Variants in FOXP1 observed in about 807,000 individuals in gnomAD.
FOXP1 encodes forkhead box protein P1.
Under a neutral mutation model 98.2 loss-of-function variants are expected in FOXP1, and 15 were observed. The ratio of observed to expected loss-of-function variants is 0.15; its 90% confidence interval spans 0.10 to 0.24. The LOEUF (loss-of-function observed/expected upper bound fraction) is 0.24. FOXP1 is among the 10% of genes least tolerant of loss of function. The probability of loss-of-function intolerance (pLI) is 1.00; values close to 1 mark genes in which losing one functional copy is unlikely to be tolerated. For synonymous variants in FOXP1, 371 were observed against 314.5 expected, an observed-to-expected ratio of 1.18 and a Z score of -1.90; for missense variants, 633 against 848.5, an observed-to-expected ratio of 0.75 and a Z score of 3.15.
At chr3:71,028,863 G>A (rs1027673629) in intron 11 of FOXP1, among the ~76,000 whole-genome samples, 2 of 152,196 alleles carry the variant, frequency 1.3e-5, no homozygotes, top group Non-Finnish European at 1.5e-5. Flanking sequence ...ATTCTCATAA[G>A]GAGCACACAA....
At chr3:70,975,510 A>G (rs976945276) in intron 17 of FOXP1, among the ~76,000 whole-genome samples, 1 of 152,240 alleles carries the variant, frequency 6.6e-6, no homozygotes, top group Non-Finnish European at 1.5e-5. Context: ...TAACAGAGGA[A>G]ATGTATTTTT....
chr3:71,180,684 CT>C (rs1415398457), intron 6 of FOXP1, among the ~76,000 whole-genome samples: 5 of 152,108 alleles, frequency 3.3e-5, no homozygotes, highest in Non-Finnish European at 7.4e-5. Flanking sequence ...TCCACCCTTC[CT>C]TTTTTAAAAA....
intron 3 of FOXP1, among the ~76,000 whole-genome samples, chr3:71,403,090 C>G (rs13067084): frequency 0.66 from 100,200 of 152,154 alleles, 34,249 homozygotes; most frequent in Non-Finnish European, 0.74. Context: ...AGGAAGTTTA[C>G]TTTTTTGTTT....
chr3:71,298,822 G>C (rs2073593272), intron 5 of FOXP1, among the ~76,000 whole-genome samples: 1 of 152,120 alleles, frequency 6.6e-6, no homozygotes, highest in Admixed American at 6.6e-5. Context: ...TTCACATTAT[G>C]AAAAGTTCCA....
intron 6 of FOXP1, among the ~76,000 whole-genome samples, chr3:71,162,460 A>G (rs1022577357): frequency 6.6e-6 from 1 of 152,254 alleles, no homozygotes; most frequent in African/African-American, 2.4e-5. Context: ...GGGAGCCAGT[A>G]CCATTAAGAC....
rs575898063 is a variant in FOXP1, at chr3:71,420,789, C to G, written c.-167-61545G>C. ...TGAAGCAATCAAGGCTCACTGTAGC[C>G]TTGAACTCCTGGGCTCAAGCAATTC... On this transcript the variant is annotated intron_variant, in intron 3 of 20. Transcript: ENST00000649528. Among the ~76,000 whole-genome samples the G allele has an allele frequency of 6.6e-5, 10 of 152,044 alleles. No individual in the cohort carries two copies. In the South Asian group the frequency reaches 2.1e-3, roughly 32 times the overall value.
intron 11 of FOXP1, among the ~76,000 whole-genome samples, chr3:71,028,144 A>T (rs995344975): frequency 4.0e-5 from 6 of 151,284 alleles, no homozygotes; most frequent in Non-Finnish European, 7.4e-5. Flanking sequence ...CAAAATTGAA[A>T]TTTTTTTTTT....
chr3:71,305,468 G>A lies in FOXP1; in HGVS notation c.-72-5588C>T, dbSNP rs117301272. Among the ~76,000 whole-genome samples, 336 of 152,290 alleles carry A rather than the reference G, an allele frequency of 2.2e-3. 11 individuals carry two copies. The East Asian group carries it at 0.063, about 29-fold the overall frequency. ...AGAAAACCTTTCCTATTCCGGCACAGACCTTCGGGGAGGACCCTGGCCCGG... is the reference window on the plus strand; with the variant it reads ...AGAAAACCTTTCCTATTCCGGCACAAACCTTCGGGGAGGACCCTGGCCCGG... On this transcript the variant is annotated intron_variant, in intron 4 of 20. Transcript: ENST00000649528.
intron 3 of FOXP1, among the ~76,000 whole-genome samples, chr3:71,384,206 T>TCC (rs1210311581): frequency 6.6e-6 from 1 of 152,084 alleles, no homozygotes; most frequent in African/African-American, 2.4e-5. Context: ...AGAGTGGGAC[T>TCC]CCGTCTCAGC....
intron 20 of FOXP1, among the ~76,000 whole-genome samples, chr3:70,962,383 A>G (rs1358879397): frequency 6.6e-6 from 1 of 152,208 alleles, no homozygotes; most frequent in Non-Finnish European, 1.5e-5. Flanking sequence ...GTTAGAGCAA[A>G]GGCCAAAACA....
chr3:71,294,464 T>C (rs1407486131), intron 5 of FOXP1, among the ~76,000 whole-genome samples: 1 of 152,154 alleles, frequency 6.6e-6, no homozygotes, highest in Non-Finnish European at 1.5e-5. Context: ...ATCATCAGCA[T>C]CGTCATTCAT....
intron 4 of FOXP1, among the ~76,000 whole-genome samples, chr3:71,318,653 T>C (rs779314007): frequency 6.6e-6 from 1 of 150,824 alleles, no homozygotes; most frequent in African/African-American, 2.4e-5. Flanking sequence ...AGACGTGGGC[T>C]GCTGTTGAAT....
At chr3:70,982,532 A>C (rs2039038273) in intron 14 of FOXP1, among the ~76,000 whole-genome samples, 1 of 152,208 alleles carries the variant, frequency 6.6e-6, no homozygotes. Context: ...TTCAGCAAAG[A>C]TAATCTCTTT....
chr3:71,300,303 G>C (rs1267284761), intron 4 of FOXP1, among the ~76,000 whole-genome samples: 4 of 152,154 alleles, frequency 2.6e-5, no homozygotes, highest in Non-Finnish European at 5.9e-5. Context: ...TTTTGGAAGA[G>C]AGTTAGGTCT....
intron 2 of FOXP1, among the ~76,000 whole-genome samples, chr3:71,578,688 T>C (rs1441019715): frequency 6.6e-6 from 1 of 152,204 alleles, no homozygotes; most frequent in African/African-American, 2.4e-5. Flanking sequence ...CCCTGCAATA[T>C]AAATATATTT....
At chr3:71,165,305 TCAG>T (rs1050299652) in intron 6 of FOXP1, among the ~76,000 whole-genome samples, 57 of 150,490 alleles carry the variant, frequency 3.8e-4, no homozygotes, top group Admixed American at 1.1e-3. Flanking sequence ...TCTAAAATCA[TCAG>T]CAGCTCACGA....
chr3:71,151,079 G>A (rs1375808131), intron 6 of FOXP1, among the ~76,000 whole-genome samples: 6 of 152,140 alleles, frequency 3.9e-5, no homozygotes, highest in African/African-American at 1.4e-4. Flanking sequence ...TACCACACCT[G>A]TGCAAATTCC....
intron 4 of FOXP1, among the ~76,000 whole-genome samples, chr3:71,339,257 A>C (rs981006331): frequency 6.6e-6 from 1 of 152,274 alleles, no homozygotes; most frequent in Non-Finnish European, 1.5e-5. Flanking sequence ...TAAGAACTGC[A>C]AATTAACCAC....
At chr3:71,358,844 C>CA in intron 4 of FOXP1, among the ~76,000 whole-genome samples, 1 of 152,136 alleles carries the variant, frequency 6.6e-6, no homozygotes, top group South Asian at 2.1e-4. Context: ...TGACTAGTTG[C>CA]AAAAAAGACT....
Sources: gnomAD v4.1 joint callset for allele counts (sites outside exome capture counted in the v4.1 genomes callset) on GRCh38, gnomAD v4.1.1 for gene constraint, MANE v1.5 for transcripts, NCBI Gene and HGNC (gene_info 2026-07-23, HGNC 2026-07-21) for gene names.